Variants in FNDC3B observed in about 807,000 individuals in gnomAD.
FNDC3B encodes the protein fibronectin type III domain-containing protein 3B.
FNDC3B carries 12 observed loss-of-function variants against 151.5 expected under a neutral mutation model. The observed-to-expected ratio is 0.08, with a 90% confidence interval of 0.05 to 0.13. FNDC3B has a LOEUF of 0.13. Among genes scored for constraint, FNDC3B ranks in the 10% least tolerant of loss-of-function variants. FNDC3B has a pLI of 1.00. For synonymous variants in FNDC3B, 528 were observed against 549.0 expected (o/e 0.96, Z 0.54); for missense variants, 1,214 against 1,505.3 (o/e 0.81, Z 3.20).
At chr3:172,338,572 A>G (rs1733113568) in intron 16 of FNDC3B, among the ~76,000 whole-genome samples, 1 of 152,218 alleles carries the variant, frequency 6.6e-6, no homozygotes. Context: ...GACAAATGTT[A>G]GAAATAAAAT....
intron 2 of FNDC3B, among the ~76,000 whole-genome samples, chr3:172,114,260 T>C (rs1324016735): frequency 1.3e-5 from 2 of 152,052 alleles, no homozygotes. Flanking sequence ...TTGCAGAGTG[T>C]TGTGGATGGT....
chr3:172,335,146 T>C (rs545327148), intron 15 of FNDC3B, 64 bp downstream of exon 15: 802 of 1,487,328 alleles, frequency 5.4e-4, no homozygotes, highest in Non-Finnish European at 6.5e-4. Context: ...TTTTAAAAAA[T>C]GATTCATTTT....
intron 3 of FNDC3B, among the ~76,000 whole-genome samples, chr3:172,157,286 A>ATT (rs58990924): frequency 1.0e-4 from 15 of 150,486 alleles, no homozygotes; most frequent in African/African-American, 3.7e-4. Context: ...AGCTCCTGGT[A>ATT]TTTTTTTTTT....
At chr3:172,057,497 A>C (rs1415646727) in intron 1 of FNDC3B, among the ~76,000 whole-genome samples, 1 of 152,190 alleles carries the variant, frequency 6.6e-6, no homozygotes, top group African/African-American at 2.4e-5. Flanking sequence ...ACTTCTTGTA[A>C]ATTGGAAGAC....
intron 23 of FNDC3B, among the ~76,000 whole-genome samples, chr3:172,373,878 G>A (rs1325195286): frequency 6.6e-6 from 1 of 152,154 alleles, no homozygotes; most frequent in Admixed American, 6.5e-5. Flanking sequence ...TCTTGTGTTG[G>A]CATATGTGCT....
intron 3 of FNDC3B, among the ~76,000 whole-genome samples, chr3:172,218,134 GA>G (rs57576493): frequency 0.62 from 38,805 of 62,800 alleles, 10,717 homozygotes; most frequent in Middle Eastern, 0.74. Context: ...CGACTTTCAG[GA>G]AAAAAAAAAA....
intron 18 of FNDC3B, 136 bp from the exon 19 acceptor site, chr3:172,343,950 C>A: frequency 1.4e-6 from 1 of 691,410 alleles, no homozygotes; most frequent in Non-Finnish European, 2.5e-6. Context: ...TTTTGGTGGG[C>A]ATGGATTCTT....
Position 172,128,977 on chromosome 3 carries a change from C to CT in FNDC3B, c.112-4486dup, listed in dbSNP as rs560624625. On this transcript the variant is annotated intron_variant, in intron 2 of 25. Coordinates refer to ENST00000415807, the MANE Select transcript of FNDC3B (RefSeq NM_022763.4). The stretch of plus-strand genomic sequence containing the variant: ...GTTGGTACTCTTCTCCCAGGAGGAG[C>CT]TTTTTTTTGGGAGACAGTCTTGCTC... 7.6e-4 allele frequency among the ~76,000 whole-genome samples: 116 copies of CT among 151,940 alleles called. 1 individual carries two copies. The South Asian group carries it at 0.023, about 30-fold the overall frequency.
intron 2 of FNDC3B, among the ~76,000 whole-genome samples, chr3:172,114,745 C>T (rs57552558): frequency 0.057 from 8,615 of 152,010 alleles, 342 homozygotes; most frequent in East Asian, 0.19. Flanking sequence ...AACAAAAACC[C>T]GCATTTTTAT....
chr3:172,134,184 A>G (rs1264112668), intron 3 of FNDC3B, among the ~76,000 whole-genome samples: 1 of 152,212 alleles, frequency 6.6e-6, no homozygotes, highest in Non-Finnish European at 1.5e-5. Flanking sequence ...TTCCAGGTGT[A>G]GGTAAGGCTT....
intron 6 of FNDC3B, among the ~76,000 whole-genome samples, chr3:172,269,001 A>T (rs1729055583): frequency 6.6e-6 from 1 of 152,180 alleles, no homozygotes; most frequent in African/African-American, 2.4e-5. Flanking sequence ...TACATTTTCC[A>T]TTTAATAGTA....
At chr3:172,380,053 C>T (rs200091663) in intron 24 of FNDC3B, among the ~76,000 whole-genome samples, 10 of 146,230 alleles carry the variant, frequency 6.8e-5, no homozygotes, top group Admixed American at 2.1e-4. Context: ...GTATTTCCAG[C>T]GTAGGCTCCT....
At chr3:172,060,472 T>G (rs978346444) in intron 1 of FNDC3B, among the ~76,000 whole-genome samples, 4 of 152,202 alleles carry the variant, frequency 2.6e-5, no homozygotes, top group Non-Finnish European at 5.9e-5. Context: ...CCCTCCACAC[T>G]TCTCATTTGC....
At chr3:172,182,735 G>A (rs546727213) in intron 3 of FNDC3B, among the ~76,000 whole-genome samples, 2 of 152,324 alleles carry the variant, frequency 1.3e-5, no homozygotes, top group African/African-American at 4.8e-5. Flanking sequence ...AAGTAAAAGT[G>A]CAGTGATACA....
intron 1 of FNDC3B, among the ~76,000 whole-genome samples, chr3:172,082,511 C>T (rs185251157): frequency 6.1e-5 from 9 of 148,368 alleles, no homozygotes; most frequent in East Asian, 2.0e-4. Context: ...ATTATAGGGC[C>T]GGGAGTCATC....
chr3:172,364,216 A>G (rs1461030299), intron 23 of FNDC3B, among the ~76,000 whole-genome samples: 1 of 152,180 alleles, frequency 6.6e-6, no homozygotes, highest in African/African-American at 2.4e-5. Context: ...GCTAGGGACA[A>G]CTCAACAGGA....
At chr3:172,356,833 A>G (rs761669683) in intron 22 of FNDC3B, among the ~76,000 whole-genome samples, 1 of 152,116 alleles carries the variant, frequency 6.6e-6, no homozygotes, top group African/African-American at 2.4e-5. Flanking sequence ...AAGCCAGCCC[A>G]TCTTTTGCTT....
intron 5 of FNDC3B, among the ~76,000 whole-genome samples, chr3:172,250,765 G>C (rs1285064317): frequency 7.2e-5 from 11 of 152,144 alleles, no homozygotes; most frequent in Admixed American, 6.5e-4. Context: ...TCCTTGATTG[G>C]TTAGAAACAA....
intron 3 of FNDC3B, among the ~76,000 whole-genome samples, chr3:172,142,903 G>C (rs1446284489): frequency 6.6e-6 from 1 of 152,172 alleles, no homozygotes; most frequent in East Asian, 1.9e-4. Flanking sequence ...CCTGCTTTCT[G>C]GTTCATAGAT....
Sources: gnomAD v4.1 joint callset for allele counts (sites outside exome capture counted in the v4.1 genomes callset) on GRCh38, gnomAD v4.1.1 for gene constraint, MANE v1.5 for transcripts, NCBI Gene and HGNC (gene_info 2026-07-23, HGNC 2026-07-21) for gene names.